Variants in VPS54 observed in about 807,000 individuals in gnomAD.
VPS54 encodes the protein VPS54 subunit of GARP complex, also known as vacuolar protein sorting-associated protein 54.
Under a neutral mutation model 121.5 loss-of-function variants are expected in VPS54, and 45 were observed. The ratio of observed to expected loss-of-function variants is 0.37; its 90% CI spans 0.29 to 0.47. The LOEUF (loss-of-function observed/expected upper bound fraction) is 0.47, where lower values mean the gene tolerates loss of function less well. VPS54 is among the 20% of genes least tolerant of loss of function. The pLI is 0.99. For synonymous variants in VPS54, 371 were observed against 385.8 expected (o/e 0.96, Z 0.45); for missense variants, 1,090 against 1,131.4 (o/e 0.96, Z 0.52).
chr2:63,986,994 C>A lies in VPS54; in HGVS notation c.-20-2975G>T, dbSNP rs9679188. Among the ~76,000 whole-genome samples the A allele has an allele frequency of 5.1e-3, 776 of 152,264 alleles. 10 individuals carry two copies. Among genetic ancestry groups the A allele is most frequent in the African/African-American group, 0.018 (737 of 41,538 alleles). Reference sequence around the variant, plus strand: ...AATCCCTTGTCAGATGGGTAGTTTGCAAATATTTTCCTCCCATTCTGTGGG... The same window carrying A: ...AATCCCTTGTCAGATGGGTAGTTTGAAAATATTTTCCTCCCATTCTGTGGG... On this transcript the variant is annotated intron_variant, in intron 1 of 22. Transcript: ENST00000272322.
Position 63,920,585 on chromosome 2 carries a change from G to C in VPS54, c.1912C>G (p.Leu638Val). ...EKLNSMEFIT[L>V]SRLMETFILD... is the part of the protein sequence containing the mutation. The stretch of plus-strand genomic sequence containing the variant: ...ATGAATGTTTCCATTAATCTAGAAA[G>C]TGTTATGAATTCCATGGAATTTAGC... Residue 638 changes from leucine to valine, a missense_variant, in exon 14 of 23, where the codon CTT becomes GTT. Physicochemically the swap from Leu to Val is conservative, Grantham distance 32 (BLOSUM62 1). Transcript: ENST00000272322. 1.3e-6 allele frequency: 2 copies of C among 1,549,354 alleles called. No individual in the cohort carries two copies. The highest frequency in any genetic ancestry group is 1.7e-6 in the Non-Finnish European group (2 of 1,150,490).
intron 1 of VPS54, among the ~76,000 whole-genome samples, chr2:63,986,127 C>G (rs372220267): frequency 4.5e-4 from 69 of 152,126 alleles, no homozygotes; most frequent in African/African-American, 1.6e-3. Flanking sequence ...GTGTTACTAT[C>G]AAATTATACT....
intron 16 of VPS54, among the ~76,000 whole-genome samples, chr2:63,915,598 G>T (rs1163839484): frequency 6.6e-6 from 1 of 152,182 alleles, no homozygotes; most frequent in Non-Finnish European, 1.5e-5. Context: ...AAGCAAGATG[G>T]CCAGAGGGGA....
chr2:63,941,418 G>C (rs969577475), intron 11 of VPS54, among the ~76,000 whole-genome samples: 1 of 151,982 alleles, frequency 6.6e-6, no homozygotes, highest in South Asian at 2.1e-4. Flanking sequence ...GTAGAGATGA[G>C]GTCTCATTAT....
At position 63,965,870 on chromosome 2, in the gene VPS54, G is replaced by A. The variant is rs376748951; in HGVS notation, c.589C>T (p.Arg197Cys). ...HFNTAGGKGNRDAASSKLLQE... is the reference protein window; with the variant it reads ...HFNTAGGKGNCDAASSKLLQE... ...AGCAACTTTGAGGAAGCTGCATCAC[G>A]ATTTCCTTTTCCACCAGCAGTATTA... The change falls in exon 6 of 23, where the codon CGT becomes TGT. Residue 197 changes from arginine (R) to cysteine (C), a missense_variant. Around this residue, in one of 2 missense-constraint regions of VPS54, gnomAD observed 801 missense variants for 757.0 expected, o/e 1.06. Coordinates refer to ENST00000272322, the MANE Select transcript of VPS54 (RefSeq NM_016516.3). 141 of 1,612,364 alleles carry A rather than the reference G, an allele frequency of 8.7e-5. 1 individual carries two copies. The highest frequency in any genetic ancestry group is 1.1e-4 in the Non-Finnish European group (126 of 1,179,596).
At chr2:63,952,343 T>C (rs988950451) in intron 7 of VPS54, among the ~76,000 whole-genome samples, 1 of 152,210 alleles carries the variant, frequency 6.6e-6, no homozygotes, top group Non-Finnish European at 1.5e-5. Flanking sequence ...ATGGAAAATA[T>C]GTTTATATCT....
chr2:63,985,347 G>A (rs771472099), intron 1 of VPS54, among the ~76,000 whole-genome samples: 1 of 151,906 alleles, frequency 6.6e-6, no homozygotes, highest in South Asian at 2.1e-4. Flanking sequence ...TAAAAAATAA[G>A]GAGCAGAGAT....
chr2:63,954,263 G>C (rs75680573), intron 7 of VPS54, among the ~76,000 whole-genome samples: 1,872 of 152,170 alleles, frequency 0.012, 17 homozygotes, highest in Non-Finnish European at 0.015. Context: ...AAAGACTCAA[G>C]AATGAACTTG....
intron 2 of VPS54, among the ~76,000 whole-genome samples, chr2:63,982,147 A>G (rs1676828237): frequency 6.6e-6 from 1 of 152,216 alleles, no homozygotes; most frequent in Admixed American, 6.5e-5. Flanking sequence ...AGTGAATAGT[A>G]AAGAAAGTCT....
rs1444681593 is a variant in VPS54 at position 63,969,090 on chromosome 2, C to G, written c.458-99G>C. 3 of 947,862 alleles carry G rather than the reference C, an allele frequency of 3.2e-6. No homozygotes were observed. The African/African-American group carries it at 5.1e-5, about 16-fold the overall frequency. 58.7% of individuals were successfully genotyped at this position (947,862 alleles called of 1,614,324 possible). A position where few individuals can be genotyped will look rare whatever the true frequency, so the allele number is the denominator to read the frequency against. On this transcript the variant is annotated intron_variant, in intron 4 of 22. Coordinates refer to ENST00000272322, the MANE Select transcript of VPS54 (RefSeq NM_016516.3). ...GATTCAGTATTGTACTGGGTCACAT[C>G]CAAATAACTAAAGTTTATTCCTTCA...
intron 1 of VPS54, among the ~76,000 whole-genome samples, chr2:63,985,905 G>C (rs1263784285): frequency 3.9e-5 from 6 of 152,102 alleles, no homozygotes; most frequent in Non-Finnish European, 8.8e-5. Context: ...ATTTAAGAGA[G>C]ATAAACATGT....
Position 63,913,209 on chromosome 2 carries a change from G to C in VPS54, c.2422+14C>G, listed in dbSNP as rs967447220. The C allele has an allele frequency of 1.4e-5, 22 of 1,602,242 alleles. No homozygotes were observed. The highest frequency in any genetic ancestry group is 2.3e-5 in the East Asian group (1 of 44,224). Reference sequence around the variant, plus strand: ...TAACACTTCAGCAAGTGAATTAAACGCAAGAATCCATACCCAAATTTTTTG... The same window carrying C: ...TAACACTTCAGCAAGTGAATTAAACCCAAGAATCCATACCCAAATTTTTTG... On this transcript the variant is annotated intron_variant, in intron 18 of 22. Transcript: ENST00000272322.
intron 1 of VPS54, among the ~76,000 whole-genome samples, chr2:63,990,922 G>A (rs1677288245): frequency 6.6e-6 from 1 of 152,078 alleles, no homozygotes; most frequent in East Asian, 1.9e-4. Flanking sequence ...TTGTACTGAG[G>A]TCATTTTGCT....
intron 20 of VPS54, among the ~76,000 whole-genome samples, chr2:63,900,659 C>A (rs924668846): frequency 1.3e-5 from 2 of 152,122 alleles, no homozygotes; most frequent in African/African-American, 2.4e-5. Flanking sequence ...AATGGCTTCC[C>A]GAGCTGCCCA....
At chr2:64,002,635 T>C (rs1275280296) in intron 1 of VPS54, among the ~76,000 whole-genome samples, 6 of 152,352 alleles carry the variant, frequency 3.9e-5, no homozygotes, top group Middle Eastern at 3.4e-3. Context: ...CCTAGAAATA[T>C]GCAGGGAGAT....
At chr2:63,896,027 C>T (rs1234329822) in intron 22 of VPS54, among the ~76,000 whole-genome samples, 1 of 152,070 alleles carries the variant, frequency 6.6e-6, no homozygotes, top group East Asian at 1.9e-4. Context: ...TTTAAGGTAC[C>T]CAGTATACAT....
chr2:63,931,133 C>A lies in VPS54; in HGVS notation c.1739+2540G>T, dbSNP rs372938418. Among the ~76,000 whole-genome samples the A allele has an allele frequency of 2.0e-4, 30 of 152,248 alleles. No individual in the cohort carries two copies. In the East Asian group the frequency reaches 3.7e-3, roughly 19 times the overall value. Reference sequence around the variant, plus strand: ...CAATGCCATCCCCATCAAGCTACCACTGACTTTCTTCACAGAAATGAAAAA... The same window carrying A: ...CAATGCCATCCCCATCAAGCTACCAATGACTTTCTTCACAGAAATGAAAAA... On this transcript the variant is annotated intron_variant, in intron 12 of 22. Transcript: ENST00000272322.
intron 7 of VPS54, among the ~76,000 whole-genome samples, chr2:63,953,131 T>TC (rs1675334338): frequency 6.8e-6 from 1 of 146,392 alleles, no homozygotes; most frequent in Non-Finnish European, 1.5e-5. Flanking sequence ...TTTTAATTTT[T>TC]TTTTTTTTTT....
At chr2:63,911,469 A>T (rs982271871) in intron 20 of VPS54, among the ~76,000 whole-genome samples, 7 of 152,180 alleles carry the variant, frequency 4.6e-5, no homozygotes, top group Non-Finnish European at 8.8e-5. Context: ...TTTCATAATA[A>T]TATTATTAAT....
Sources: gnomAD v4.1 joint callset for allele counts (sites outside exome capture counted in the v4.1 genomes callset) on GRCh38, gnomAD v4.1.1 for gene constraint, gnomAD v4.1.1 regional missense constraint, MANE v1.5 for transcripts, NCBI Gene and HGNC (gene_info 2026-07-23, HGNC 2026-07-21) for gene names.